PON3: variants seen among roughly 807,000 people sequenced by gnomAD.
PON3 encodes paraoxonase 3, also known as serum paraoxonase/lactonase 3.
PON3 carries 37 observed loss-of-function variants against 36.3 expected under a neutral mutation model. That is an observed-to-expected ratio of 1.02 (90% CI 0.78 to 1.34). The LOEUF (loss-of-function observed/expected upper bound fraction) is 1.34. PON3 is among the 40% of genes most tolerant of loss of function. PON3 has a pLI of 0.00. For synonymous variants in PON3, 155 were observed against 154.8 expected (o/e 1.00, Z -0.01); for missense variants, 415 against 426.5 (o/e 0.97, Z 0.24).
chr7:95,375,056 C>T (rs1808884775), intron 3 of PON3, among the ~76,000 whole-genome samples: 1 of 152,054 alleles, frequency 6.6e-6, no homozygotes, highest in Admixed American at 6.6e-5. Context: ...AAACCAAAAT[C>T]AACACTCTCC....
intron 3 of PON3, among the ~76,000 whole-genome samples, chr7:95,376,011 C>T (rs1056959631): frequency 3.3e-5 from 5 of 152,164 alleles, no homozygotes; most frequent in East Asian, 1.9e-4. Flanking sequence ...GTAGTATGTT[C>T]GGTGTTGGGC....
At position 95,383,348 on chromosome 7, in the gene PON3, G is replaced by A. The variant is rs187447456; in HGVS notation, c.201+6806C>T. On this transcript the variant is annotated intron_variant, in intron 3 of 8. Coordinates refer to ENST00000265627, the MANE Select transcript of PON3 (RefSeq NM_000940.3). ...ATTCTACATAGTGTTGGAAGTTCTC[G>A]CCAAGGCAATCAGGCAGGAGAAAGA... Among the ~76,000 whole-genome samples the A allele has an allele frequency of 1.6e-3, 240 of 152,260 alleles. 2 individuals are homozygous for A. Among genetic ancestry groups the A allele is most frequent in the Middle Eastern group, 6.8e-3 (2 of 294 alleles).
intron 4 of PON3, among the ~76,000 whole-genome samples, chr7:95,371,324 G>A (rs921471111): frequency 6.7e-6 from 1 of 149,442 alleles, no homozygotes; most frequent in African/African-American, 2.6e-5. Flanking sequence ...GTGCAGAGTT[G>A]CTGGATTGTG....
intron 3 of PON3, among the ~76,000 whole-genome samples, chr7:95,381,345 C>T (rs1325514195): frequency 6.6e-6 from 1 of 152,068 alleles, no homozygotes; most frequent in African/African-American, 2.4e-5. Flanking sequence ...CAAATTCACA[C>T]ATAACGATAT....
At chr7:95,394,420 G>A (rs1296816033) in intron 2 of PON3, among the ~76,000 whole-genome samples, 8 of 152,146 alleles carry the variant, frequency 5.3e-5, no homozygotes, top group Admixed American at 5.2e-4. Flanking sequence ...CATTCTTTAG[G>A]TAATGTGGAG....
intron 1 of PON3, among the ~76,000 whole-genome samples, chr7:95,395,097 T>C (rs1005627270): frequency 6.6e-6 from 1 of 152,230 alleles, no homozygotes; most frequent in African/African-American, 2.4e-5. Context: ...TCCCCTACAG[T>C]CTTGCCCTTT....
chr7:95,369,470 T>A lies in PON3; in HGVS notation c.368-1982A>T, dbSNP rs1002614705. ...AAGAAAATTCCTATCCTTTAACATT[T>A]AAAAAAAAAAGTTACTACTGTAGGC... On this transcript the variant is annotated intron_variant, in intron 4 of 8. Transcript: ENST00000265627. Among the ~76,000 whole-genome samples the A allele has an allele frequency of 8.7e-5, 13 of 149,710 alleles. 1 individual carries two copies. Among genetic ancestry groups the A allele is most frequent in the African/African-American group, 2.7e-4 (11 of 40,962 alleles).
At chr7:95,374,014 G>C (rs991776910) in intron 3 of PON3, among the ~76,000 whole-genome samples, 5 of 152,084 alleles carry the variant, frequency 3.3e-5, no homozygotes, top group African/African-American at 1.2e-4. Context: ...GCCTGCAAGG[G>C]ATCTAGGTTG....
chr7:95,367,526 C>T (rs746517957), intron 4 of PON3, 38 bp from the exon 5 acceptor site: 11 of 1,605,128 alleles, frequency 6.9e-6, no homozygotes, highest in Non-Finnish European at 8.5e-6. Flanking sequence ...AGAAAGTTAC[C>T]CCTATCACAA....
intron 3 of PON3, among the ~76,000 whole-genome samples, chr7:95,389,885 C>T (rs977881863): frequency 2.0e-5 from 3 of 152,110 alleles, no homozygotes; most frequent in Non-Finnish European, 2.9e-5. Flanking sequence ...GCCTAGGAAT[C>T]GAGTGGAAAT....
intron 3 of PON3, among the ~76,000 whole-genome samples, chr7:95,382,988 A>C (rs910115728): frequency 5.3e-5 from 8 of 152,230 alleles, no homozygotes; most frequent in Non-Finnish European, 1.0e-4. Flanking sequence ...GCAGCACATC[A>C]AAAAGCTTAT....
At chr7:95,361,912 C>G (rs889372765) in intron 8 of PON3, among the ~76,000 whole-genome samples, 1 of 152,092 alleles carries the variant, frequency 6.6e-6, no homozygotes, top group Non-Finnish European at 1.5e-5. Flanking sequence ...AGACAATTTT[C>G]AACACCATCG....
At chr7:95,396,133 G>T (rs1008041923) in intron 1 of PON3, 144 bp downstream of exon 1, 1 of 856,802 alleles carries the variant, frequency 1.2e-6, no homozygotes, top group Non-Finnish European at 2.0e-6. Flanking sequence ...AGTCTCAAGG[G>T]GCGGTTTGCT....
At chr7:95,382,408 C>G (rs1028214325) in intron 3 of PON3, among the ~76,000 whole-genome samples, 3 of 152,028 alleles carry the variant, frequency 2.0e-5, no homozygotes, top group African/African-American at 7.2e-5. Flanking sequence ...ATCAATGAAT[C>G]CAGGAGCTGG....
chr7:95,382,456 C>G (rs1345445700), intron 3 of PON3, among the ~76,000 whole-genome samples: 19 of 151,846 alleles, frequency 1.3e-4, no homozygotes, highest in Non-Finnish European at 2.9e-5. Context: ...AGACCACTAG[C>G]AAGACTAATA....
chr7:95,372,296 G>T lies in PON3; in HGVS notation c.244C>A (p.Pro82Thr), dbSNP rs1034788098. 2 of 1,613,852 alleles carry T rather than the reference G, an allele frequency of 1.2e-6. No individual in the cohort carries two copies. Among genetic ancestry groups the T allele is most frequent in the African/African-American group, 1.3e-5 (1 of 75,022 alleles). The change falls in exon 4 of 9, where the codon CCA becomes ACA. Residue 82 changes from proline (P) to threonine (T), a missense_variant. By Grantham distance (38) the Pro-to-Thr change is conservative. Coordinates refer to ENST00000265627, the MANE Select transcript of PON3 (RefSeq NM_000940.3). ...PGMPNFAPDE[P>T]GKIFLMDLNE... Reference sequence around the variant, plus strand: ...AGATCCATCAAGAAGATTTTTCCTGGTTCATCTGGCGCAAAGTTTGGCATG... The same window carrying T: ...AGATCCATCAAGAAGATTTTTCCTGTTTCATCTGGCGCAAAGTTTGGCATG...
intron 3 of PON3, among the ~76,000 whole-genome samples, chr7:95,374,913 G>C (rs1808881401): frequency 6.6e-6 from 1 of 151,890 alleles, no homozygotes; most frequent in Non-Finnish European, 1.5e-5. Context: ...TTTCCTTGCA[G>C]ATCTTATACA....
rs17878827 is a variant in PON3, at chr7:95,367,420, C to T, written c.436G>A (p.Glu146Lys). The T allele has an allele frequency of 8.1e-4, 1,314 of 1,613,104 alleles. 8 individuals carry two copies. The African/African-American group carries it at 0.011, about 13-fold the overall frequency. ...MKSTVEIFKF[E>K]EQQRSLVYLK... ...TATACCAGAGAACGTTGTTGTTCCT[C>T]AAATTTAAATATCTCCACAGTGGAC... is the stretch of plus-strand genomic sequence containing the variant. Residue 146 changes from glutamate to lysine, a missense_variant, in exon 5 of 9, where the codon GAG becomes AAG. Coordinates refer to ENST00000265627, the MANE Select transcript of PON3 (RefSeq NM_000940.3).
At chr7:95,378,700 T>C (rs1259778072) in intron 3 of PON3, among the ~76,000 whole-genome samples, 1 of 152,138 alleles carries the variant, frequency 6.6e-6, no homozygotes, top group Admixed American at 6.5e-5. Flanking sequence ...AGACAACAAA[T>C]GCTGAGAGAT....
Sources: allele counts gnomAD v4.1 joint callset (sites outside exome capture counted in the v4.1 genomes callset), GRCh38; gene constraint gnomAD v4.1.1; transcripts MANE v1.5; gene names NCBI Gene and HGNC (gene_info 2026-07-23, HGNC 2026-07-21).